MPHOSPH9: variants seen among roughly 807,000 people sequenced by gnomAD.
The protein encoded by MPHOSPH9 is M-phase phosphoprotein 9.
In MPHOSPH9, 88 loss-of-function variants were observed where a neutral mutation model predicts 145.5. That is an observed-to-expected ratio of 0.60 (90% confidence interval 0.51 to 0.72). The LOEUF is 0.72. MPHOSPH9 is among the 30% of genes least tolerant of loss of function. The pLI, the probability that MPHOSPH9 is intolerant of heterozygous loss-of-function variation, is 0.00. For synonymous variants in MPHOSPH9, 435 were observed against 486.2 expected, an observed-to-expected ratio of 0.89 and a Z score of 1.39; for missense variants, 1,238 against 1,386.6, an observed-to-expected ratio of 0.89 and a Z score of 1.70.
upstream of MPHOSPH9, among the ~76,000 whole-genome samples, chr12:123,235,186 G>A (rs1200895431): frequency 6.6e-6 from 1 of 152,162 alleles, no homozygotes; most frequent in Non-Finnish European, 1.5e-5. Flanking sequence ...ATGGCAACAT[G>A]TATGATTTTG....
chr12:123,215,913 T>C (rs1196016380), intron 6 of MPHOSPH9, among the ~76,000 whole-genome samples: 12 of 152,164 alleles, frequency 7.9e-5, no homozygotes, highest in Admixed American at 7.9e-4. Context: ...AAGGAAGAAA[T>C]TCCACCTGTT....
intron 23 of MPHOSPH9, among the ~76,000 whole-genome samples, chr12:123,158,730 C>A (rs907554593): frequency 6.6e-6 from 1 of 151,460 alleles, no homozygotes; most frequent in African/African-American, 2.4e-5. Context: ...CTCTTGGGTT[C>A]AAGTGAACCT....
intron 16 of MPHOSPH9, among the ~76,000 whole-genome samples, chr12:123,172,375 C>G (rs1162772123): frequency 1.3e-5 from 2 of 151,968 alleles, no homozygotes; most frequent in African/African-American, 4.8e-5. Flanking sequence ...CTTTCTCACC[C>G]AGGCTGGAAT....
intron 13 of MPHOSPH9, among the ~76,000 whole-genome samples, chr12:123,187,546 C>A (rs565364954): frequency 6.6e-6 from 1 of 151,890 alleles, no homozygotes; most frequent in South Asian, 2.1e-4. Context: ...AAGAAATAGG[C>A]AAAATAATTT....
chr12:123,163,135 C>T lies in MPHOSPH9; in HGVS notation c.2909-1G>A. On this transcript the variant is annotated splice_acceptor_variant, in intron 19 of 23. Coordinates refer to ENST00000606320, the MANE Select transcript of MPHOSPH9 (RefSeq NM_022782.4). LOFTEE classifies it high-confidence loss of function. ...GGTGTTAGCATAATCTCTCTTTTTG[C>T]TATAGAAGAAAATGAAGAGGAAATA... 1 of 1,572,740 alleles carries T rather than the reference C, an allele frequency of 6.4e-7. No homozygotes were observed. Among genetic ancestry groups the T allele is most frequent in the South Asian group, 1.2e-5 (1 of 82,344 alleles).
At chr12:123,188,116 G>T (rs1393801789) in intron 13 of MPHOSPH9, among the ~76,000 whole-genome samples, 1 of 152,042 alleles carries the variant, frequency 6.6e-6, no homozygotes, top group Non-Finnish European at 1.5e-5. Context: ...ACAAGAGCAA[G>T]ACTCCATCTC....
intron 15 of MPHOSPH9, 142 bp downstream of exon 15, chr12:123,179,784 C>A: frequency 4.9e-6 from 2 of 410,718 alleles, no homozygotes; most frequent in Non-Finnish European, 8.8e-6. Context: ...AACCTATTTC[C>A]ATGTCAAGGG....
intron 3 of MPHOSPH9, among the ~76,000 whole-genome samples, chr12:123,226,742 C>T (rs1285522677): frequency 3.3e-5 from 5 of 152,088 alleles, no homozygotes. Context: ...GATCCTCCCA[C>T]ATCAGCCTCC....
intron 4 of MPHOSPH9, among the ~76,000 whole-genome samples, chr12:123,222,662 AT>A (rs1253481680): frequency 3.3e-5 from 5 of 151,830 alleles, no homozygotes; most frequent in African/African-American, 4.8e-5. Context: ...TCAAAAAAAA[AT>A]AAATGAAAAT....
rs2047205296 is a variant in MPHOSPH9, at chr12:123,221,654, C to G, written c.590G>C (p.Ser197Thr). The G allele has an allele frequency of 6.2e-7, 1 of 1,614,202 alleles. No individual in the cohort carries two copies. The highest frequency in any genetic ancestry group is 1.1e-5 in the South Asian group (1 of 91,080). The change falls in exon 5 of 24, where the codon AGT (serine) becomes ACT (threonine). Residue 197 changes from serine to threonine, a missense_variant. Transcript: ENST00000606320. ...TGAGATACAAAAGGTGCCATATCCA[C>G]TGCTTACTGAGCAACTATCCACATT... ...DCNVDSCSVSSGYGTFCISEL... is the reference protein window; with the variant it reads ...DCNVDSCSVSTGYGTFCISEL...
Position 123,218,511 on chromosome 12 carries a change from G to T in MPHOSPH9, c.873-12C>A, listed in dbSNP as rs752753371. 2 of 1,606,418 alleles carry T rather than the reference G, an allele frequency of 1.2e-6. No homozygotes were observed. Among genetic ancestry groups the T allele is most frequent in the East Asian group, 4.5e-5 (2 of 44,790 alleles). On this transcript the variant is annotated splice_polypyrimidine_tract_variant and intron_variant, in intron 5 of 23. Coordinates refer to ENST00000606320, the MANE Select transcript of MPHOSPH9 (RefSeq NM_022782.4). ...ATGTTATAGCATTACTATTTAAGAAGAGAAAACCAAAATTACTTTTTTTTT... is the reference window on the plus strand; with the variant it reads ...ATGTTATAGCATTACTATTTAAGAATAGAAAACCAAAATTACTTTTTTTTT...
At chr12:123,239,624 G>A (rs1357161430) in intron 1 of MPHOSPH9, among the ~76,000 whole-genome samples, 1 of 152,046 alleles carries the variant, frequency 6.6e-6, no homozygotes, top group South Asian at 2.1e-4. Context: ...GGATGGTCTC[G>A]ATCTCCTGAC....
intron 6 of MPHOSPH9, among the ~76,000 whole-genome samples, chr12:123,215,135 G>A (rs574117242): frequency 1.1e-3 from 168 of 152,072 alleles, no homozygotes; most frequent in African/African-American, 3.8e-3. Context: ...CCAGCTACTC[G>A]GCAGGCTGAC....
chr12:123,216,105 TG>T lies in MPHOSPH9; in HGVS notation c.997-1272del, dbSNP rs538181909. Reference sequence around the variant, plus strand: ...ACAAAAAATTAGCCGGGCGTGGTGGTGGGGGTGTATTGAATGGCTTTTCTAG... The same window carrying T: ...ACAAAAAATTAGCCGGGCGTGGTGGTGGGGTGTATTGAATGGCTTTTCTAG... On this transcript the variant is annotated intron_variant, in intron 6 of 23. Coordinates refer to ENST00000606320, the MANE Select transcript of MPHOSPH9 (RefSeq NM_022782.4). 2.8e-4 allele frequency among the ~76,000 whole-genome samples: 42 copies of T among 152,078 alleles called. 1 individual carries two copies. In the South Asian group the frequency reaches 8.3e-3, roughly 30 times the overall value.
At chr12:123,162,063 C>G (rs2044133543) in intron 21 of MPHOSPH9, 52 bp downstream of exon 21, 1 of 1,199,796 alleles carries the variant, frequency 8.3e-7, no homozygotes, top group African/African-American at 1.5e-5. Flanking sequence ...ATACCAGAAT[C>G]TCAAAAAATG....
intron 4 of MPHOSPH9, among the ~76,000 whole-genome samples, chr12:123,222,702 C>T (rs370477710): frequency 9.9e-5 from 15 of 151,770 alleles, no homozygotes; most frequent in African/African-American, 3.1e-4. Context: ...GGCAGGAGGC[C>T]GAGGTGGGTG....
intron 13 of MPHOSPH9, among the ~76,000 whole-genome samples, chr12:123,183,195 A>G (rs1488304778): frequency 6.6e-6 from 1 of 151,936 alleles, no homozygotes; most frequent in African/African-American, 2.4e-5. Flanking sequence ...TAAAGAGAAA[A>G]CAAACGAGGT....
chr12:123,180,335 C>T (rs2045069981), intron 14 of MPHOSPH9, among the ~76,000 whole-genome samples: 1 of 152,186 alleles, frequency 6.6e-6, no homozygotes, highest in South Asian at 2.1e-4. Flanking sequence ...ATGGGATCTG[C>T]TCCCGAACCC....
At chr12:123,190,397 G>A (rs1199097548) in intron 13 of MPHOSPH9, among the ~76,000 whole-genome samples, 3 of 152,082 alleles carry the variant, frequency 2.0e-5, no homozygotes, top group Non-Finnish European at 2.9e-5. Flanking sequence ...TGATCCACCT[G>A]CCTTGGCCTC....
Sources: gnomAD v4.1 joint callset for allele counts (sites outside exome capture counted in the v4.1 genomes callset) on GRCh38, gnomAD v4.1.1 for gene constraint, MANE v1.5 for transcripts, NCBI Gene and HGNC (gene_info 2026-07-23, HGNC 2026-07-21) for gene names.